The following UCMA variants were observed in gnomAD, a reference collection of about 807,000 sequenced individuals.
The protein encoded by UCMA is upper zone of growth plate and cartilage matrix associated.
In UCMA, 21 loss-of-function variants were observed where a neutral mutation model predicts 21.8. The observed-to-expected ratio is 0.97, with a 90% CI of 0.68 to 1.39. The LOEUF is 1.39. Among genes scored for constraint, UCMA ranks in the 40% most tolerant of loss-of-function variants. The pLI, the probability that UCMA is intolerant of heterozygous loss-of-function variation, is 0.00. For synonymous variants in UCMA, 76 were observed against 67.9 expected, an observed-to-expected ratio of 1.12 and a Z score of -0.58; for missense variants, 193 against 178.9, an observed-to-expected ratio of 1.08 and a Z score of -0.45.
chr10:13,231,240 T>C (rs1290602167), intron 3 of UCMA, among the ~76,000 whole-genome samples: 1 of 152,156 alleles, frequency 6.6e-6, no homozygotes, highest in Non-Finnish European at 1.5e-5. Context: ...TTCCCAAACG[T>C]CTGCCGTGAC....
At chr10:13,223,489 A>T (rs1834785455) in intron 4 of UCMA, among the ~76,000 whole-genome samples, 3 of 152,200 alleles carry the variant, frequency 2.0e-5, no homozygotes. Flanking sequence ...CTGCTGAGTG[A>T]AATAAGCCCA....
intron 4 of UCMA, among the ~76,000 whole-genome samples, chr10:13,227,107 G>A (rs992595212): frequency 5.9e-5 from 9 of 152,062 alleles, no homozygotes; most frequent in African/African-American, 1.9e-4. Flanking sequence ...TTCCCAGTAT[G>A]TTCCTAAGAA....
intron 3 of UCMA, among the ~76,000 whole-genome samples, chr10:13,230,578 C>T (rs1336366618): frequency 2.0e-5 from 3 of 152,158 alleles, no homozygotes; most frequent in African/African-American, 7.2e-5. Context: ...TGGGATTCCC[C>T]TCACACCAAA....
chr10:13,226,933 C>A (rs1046643901), intron 4 of UCMA, among the ~76,000 whole-genome samples: 10 of 152,166 alleles, frequency 6.6e-5, no homozygotes, highest in South Asian at 6.2e-4. Flanking sequence ...ACATTTAAAA[C>A]TGCTCAAAAT....
At chr10:13,225,153 A>C (rs771208944) in intron 4 of UCMA, among the ~76,000 whole-genome samples, 6 of 151,978 alleles carry the variant, frequency 3.9e-5, no homozygotes, top group Non-Finnish European at 7.4e-5. Flanking sequence ...TCCTGGACTC[A>C]AGTGATTCTT....
At position 13,227,487 on chromosome 10, in the gene UCMA, A is replaced by G. The variant is rs1054390774; in HGVS notation, c.319+2124T>C. On this transcript the variant is annotated intron_variant, in intron 4 of 4. Coordinates refer to ENST00000378681, the MANE Select transcript of UCMA (RefSeq NM_145314.3). ...AATCCCAGCACTTTGGGAGACTGAC[A>G]TGGGCAGATTACTTGAGGTCAGGAG... Among the ~76,000 whole-genome samples the G allele has an allele frequency of 3.3e-5, 5 of 152,234 alleles. No individual in the cohort carries two copies. The East Asian group carries it at 7.7e-4, about 24-fold the overall frequency.
At chr10:13,224,359 G>A (rs927403880) in intron 4 of UCMA, among the ~76,000 whole-genome samples, 8 of 138,944 alleles carry the variant, frequency 5.8e-5, no homozygotes, top group Admixed American at 2.1e-4. Flanking sequence ...GGGAGGGAGG[G>A]AGGGAAAGAG....
At chr10:13,225,600 C>T (rs937846082) in intron 4 of UCMA, among the ~76,000 whole-genome samples, 9 of 145,632 alleles carry the variant, frequency 6.2e-5, no homozygotes, top group South Asian at 2.2e-4. Context: ...ACTTGAACCC[C>T]GGAGGAGGAG....
At chr10:13,230,598 C>T (rs962704172) in intron 3 of UCMA, among the ~76,000 whole-genome samples, 17 of 152,010 alleles carry the variant, frequency 1.1e-4, no homozygotes, top group African/African-American at 1.9e-4. Context: ...ATGGGGGAGA[C>T]GGAGGTACTG....
At chr10:13,233,505 G>A in intron 3 of UCMA, 33 bp downstream of exon 3, 2 of 1,579,210 alleles carry the variant, frequency 1.3e-6, no homozygotes, top group Non-Finnish European at 8.7e-7. Context: ...AGGTGGTGAT[G>A]GACGCGGGAT....
intron 3 of UCMA, among the ~76,000 whole-genome samples, chr10:13,233,023 G>A (rs1421415029): frequency 6.6e-6 from 1 of 152,056 alleles, no homozygotes; most frequent in Non-Finnish European, 1.5e-5. Flanking sequence ...GAGGGAGGAA[G>A]TAGCCAAGGC....
At chr10:13,233,409 G>C in intron 3 of UCMA, 129 bp downstream of exon 3, 1 of 720,198 alleles carries the variant, frequency 1.4e-6, no homozygotes. Context: ...CAGTCCCTTT[G>C]ATACCCTGGG....
intron 3 of UCMA, among the ~76,000 whole-genome samples, chr10:13,232,311 G>A (rs1280174281): frequency 2.9e-5 from 4 of 139,716 alleles, no homozygotes; most frequent in Non-Finnish European, 6.0e-5. Context: ...GGTGGAGGTT[G>A]CAATGAGCCA....
chr10:13,228,652 C>T (rs1039226922), intron 4 of UCMA, among the ~76,000 whole-genome samples: 82 of 152,162 alleles, frequency 5.4e-4, no homozygotes, highest in African/African-American at 1.9e-3. Context: ...GGACCTGGAG[C>T]CAGGACATTG....
In UCMA at chr10:13,222,319, C is replaced by T; in HGVS notation, c.320-119G>A. The T allele has an allele frequency of 5.8e-6, 5 of 866,530 alleles. No homozygotes were observed. The South Asian group carries it at 6.5e-5, about 11-fold the overall frequency. The allele number at this position is 866,530 out of a possible 1,614,324, so 53.7% of individuals were successfully genotyped here. On this transcript the variant is annotated intron_variant, in intron 4 of 4. Transcript: ENST00000378681. ...GACCTGCACTGAGAGTGTTTGTGAG[C>T]CCTGGTGAGAGAAGGCCAGGACTGG...
intron 3 of UCMA, among the ~76,000 whole-genome samples, chr10:13,229,915 A>G (rs1229588519): frequency 6.6e-6 from 1 of 152,128 alleles, no homozygotes; most frequent in East Asian, 1.9e-4. Context: ...CAGCTGCCTC[A>G]TTTGCAAATG....
chr10:13,231,570 A>C (rs912172285), intron 3 of UCMA, among the ~76,000 whole-genome samples: 1 of 152,176 alleles, frequency 6.6e-6, no homozygotes, highest in African/African-American at 2.4e-5. Context: ...CCTATTCCTA[A>C]AGAAGCGTCC....
rs377345564 is a variant in UCMA, at chr10:13,233,576, C to T, written c.182G>A (p.Arg61His). Residue 61 changes from arginine to histidine, a missense_variant, in exon 3 of 5, where the codon CGC (arginine) becomes CAC (histidine). Arg to His is a conservative substitution (Grantham distance 29). Transcript: ENST00000378681. Reference sequence around the variant, plus strand: ...TCTGGACTTGGGGGACCGCTTGCCGCGCCTCTTGAGGAAATTCGAGGCATC... The same window carrying T: ...TCTGGACTTGGGGGACCGCTTGCCGTGCCTCTTGAGGAAATTCGAGGCATC... ...ESDASNFLKR[R>H]GKRSPKSRDE... 5.2e-5 allele frequency: 84 copies of T among 1,613,922 alleles called. No individual in the cohort carries two copies. The highest frequency in any genetic ancestry group is 1.7e-4 in the Admixed American group (10 of 59,970).
chr10:13,233,948 T>G, intron 1 of UCMA, 148 bp from the exon 2 acceptor site: 1 of 1,037,032 alleles, frequency 9.6e-7, no homozygotes, highest in Non-Finnish European at 1.4e-6. Flanking sequence ...GCAGAGCCAA[T>G]CTCCCCAGGA....
Sources: gnomAD v4.1 joint callset for allele counts (sites outside exome capture counted in the v4.1 genomes callset) on GRCh38, gnomAD v4.1.1 for gene constraint, MANE v1.5 for transcripts, NCBI Gene and HGNC (gene_info 2026-07-23, HGNC 2026-07-21) for gene names.